The following GPN1 variants were observed in gnomAD, a reference collection of about 807,000 sequenced individuals.
The protein encoded by GPN1 is ATP(GTP)-binding protein.
GPN1 carries 44 observed loss-of-function variants against 55.9 expected under a neutral mutation model. The observed-to-expected ratio is 0.79, with a 90% CI of 0.62 to 1.01. The LOEUF is 1.01. Ranked by LOEUF, GPN1 falls within the 50% of genes least tolerant of loss-of-function variation. The probability of loss-of-function intolerance (pLI) is 0.00; values close to 1 mark genes in which losing one functional copy is unlikely to be tolerated. For synonymous variants in GPN1, 179 were observed against 162.5 expected, an observed-to-expected ratio of 1.10 and a Z score of -0.77; for missense variants, 466 against 462.8, an observed-to-expected ratio of 1.01 and a Z score of -0.06.
Position 27,646,576 on chromosome 2 carries a change from C to T in GPN1, c.932-1260C>T, listed in dbSNP as rs570320974. ...TCATTTACAGCCCACCTTCCACCCC[C>T]ACCCCTGTATATTGAGGGACTGCCC... is the stretch of plus-strand genomic sequence containing the variant. On this transcript the variant is annotated intron_variant, in intron 12 of 13. Transcript: ENST00000610189. 2.6e-5 allele frequency among the ~76,000 whole-genome samples: 4 copies of T among 152,226 alleles called. No individual in the cohort carries two copies. In the East Asian group the frequency reaches 5.8e-4, roughly 22 times the overall value.
intron 7 of GPN1, among the ~76,000 whole-genome samples, chr2:27,635,568 A>G (rs1673704432): frequency 6.6e-6 from 1 of 152,184 alleles, no homozygotes. Flanking sequence ...TGTCATCCCT[A>G]CACTTGGGAG....
Position 27,644,854 on chromosome 2 carries a change from C to T in GPN1, c.931+2335C>T, listed in dbSNP as rs559562797. ...TGCCACTGCACCTGGCTTGTAACAG[C>T]GATTTGAGATGCTACGTGTATAATG... is the stretch of plus-strand genomic sequence containing the variant. On this transcript the variant is annotated intron_variant, in intron 12 of 13. Transcript: ENST00000610189. Among the ~76,000 whole-genome samples, 25 of 150,380 alleles carry T rather than the reference C, an allele frequency of 1.7e-4. No individual in the cohort carries two copies. The East Asian group carries it at 4.2e-3, about 25-fold the overall frequency.
chr2:27,648,571 T>C (rs1221233357), intron 13 of GPN1, among the ~76,000 whole-genome samples: 3 of 152,172 alleles, frequency 2.0e-5, no homozygotes, highest in South Asian at 2.1e-4. Flanking sequence ...ACAGTAAGGA[T>C]AGAATGGCTC....
At chr2:27,640,260 C>A in intron 10 of GPN1, 135 bp downstream of exon 10, 1 of 698,312 alleles carries the variant, frequency 1.4e-6, no homozygotes. Flanking sequence ...TGTATTGAAT[C>A]AGACCACACT....
chr2:27,642,174 G>A, intron 11 of GPN1: 1 of 377,642 alleles, frequency 2.6e-6, no homozygotes, highest in East Asian at 4.8e-5. Context: ...TTAGAATTGA[G>A]GGTTCTTTTG....
intron 11 of GPN1, among the ~76,000 whole-genome samples, chr2:27,641,521 T>A (rs1406979682): frequency 6.6e-6 from 1 of 152,234 alleles, no homozygotes; most frequent in Admixed American, 6.5e-5. Context: ...GTCTCCTTAA[T>A]GTTTCTTCCC....
At chr2:27,632,589 T>C (rs748328945) in intron 4 of GPN1, 44 bp from the exon 5 acceptor site, 2 of 1,408,748 alleles carry the variant, frequency 1.4e-6, no homozygotes, top group African/African-American at 1.4e-5. Flanking sequence ...TGTGATTTTG[T>C]GTTGAAATCG....
upstream of GPN1, chr2:27,628,360 G>A (rs963461968): frequency 2.0e-6 from 3 of 1,522,498 alleles, no homozygotes; most frequent in Admixed American, 4.4e-5. Flanking sequence ...TCAGTGACTG[G>A]AGGGGAGGAA....
At chr2:27,642,956 T>TCACACACACAC (rs1674026113) in intron 12 of GPN1, among the ~76,000 whole-genome samples, 1 of 85,732 alleles carries the variant, frequency 1.2e-5, no homozygotes, top group Admixed American at 1.2e-4. Flanking sequence ...TATATATATA[T>TCACACACACAC]ATACACACAC....
At chr2:27,632,915 G>T (rs1436300626) in intron 5 of GPN1, among the ~76,000 whole-genome samples, 1 of 152,146 alleles carries the variant, frequency 6.6e-6, no homozygotes, top group Non-Finnish European at 1.5e-5. Context: ...TTGAGACTTT[G>T]TCCCAATTCA....
intron 5 of GPN1, among the ~76,000 whole-genome samples, chr2:27,633,329 A>C (rs972486821): frequency 6.6e-6 from 1 of 152,134 alleles, no homozygotes; most frequent in African/African-American, 2.4e-5. Flanking sequence ...GTTTTGAGAC[A>C]GGGTCTTGCT....
chr2:27,630,512 C>T (rs1443824945), intron 2 of GPN1, among the ~76,000 whole-genome samples: 1 of 151,274 alleles, frequency 6.6e-6, no homozygotes, highest in Non-Finnish European at 1.5e-5. Context: ...ACCTCAGCCT[C>T]CTGCCGCTAT....
chr2:27,641,662 C>T (rs866536095), intron 11 of GPN1, among the ~76,000 whole-genome samples: 6 of 152,186 alleles, frequency 3.9e-5, no homozygotes, highest in African/African-American at 9.7e-5. Flanking sequence ...GGCACGATCG[C>T]GGCTCACTGC....
At chr2:27,641,132 C>G (rs375564387) in intron 10 of GPN1, 108 bp from the exon 11 acceptor site, 2 of 722,300 alleles carry the variant, frequency 2.8e-6, no homozygotes, top group Non-Finnish European at 4.8e-6. Context: ...TGAATGAAGT[C>G]AGATGTTTTA....
chr2:27,650,150 A>G lies in GPN1; in HGVS notation c.1075A>G (p.Asn359Asp). 1 of 1,608,262 alleles carries G rather than the reference A, an allele frequency of 6.2e-7. No individual in the cohort carries two copies. The highest frequency in any genetic ancestry group is 2.2e-5 in the East Asian group (1 of 44,854). Residue 359 changes from asparagine to aspartate, a missense_variant, in exon 14 of 14, where the codon AAT (asparagine) becomes GAT (aspartate). Transcript: ENST00000610189. ...EESHEEPAFQ[N>D]FMQESMAQYW... ...AAGCCATGAAGAGCCAGCATTCCAG[A>G]ATTTTATGCAAGAATCGATGGCACA...
intron 3 of GPN1, 64 bp from the exon 4 acceptor site, chr2:27,631,770 T>C (rs1448899226): frequency 3.3e-6 from 3 of 921,644 alleles, no homozygotes; most frequent in Non-Finnish European, 5.5e-6. Flanking sequence ...GTGTGAATGA[T>C]AGCCTAGGTA....
At chr2:27,632,743 A>G (rs114985328) in intron 5 of GPN1, 73 bp downstream of exon 5, 10,321 of 984,974 alleles carry the variant, frequency 0.01, 78 homozygotes, top group Non-Finnish European at 0.013. Flanking sequence ...AGGATCTGGG[A>G]TACCATCAGC....
chr2:27,638,164 G>C (rs749062466), intron 7 of GPN1, 46 bp from the exon 8 acceptor site: 2 of 1,018,498 alleles, frequency 2.0e-6, no homozygotes. Flanking sequence ...GGATGAGCAA[G>C]AGCTTATGTG....
In GPN1 at chr2:27,646,549, T is replaced by C. The variant is rs548913036; in HGVS notation, c.932-1287T>C. The stretch of plus-strand genomic sequence containing the variant: ...GCTCTGCAGGGGTTTTTAGGTTAGT[T>C]TTCATTTACAGCCCACCTTCCACCC... On this transcript the variant is annotated intron_variant, in intron 12 of 13. Transcript: ENST00000610189. 2.4e-4 allele frequency among the ~76,000 whole-genome samples: 36 copies of C among 152,290 alleles called. No homozygotes were observed. In the East Asian group the frequency reaches 5.0e-3, roughly 21 times the overall value.
Sources: gnomAD v4.1 joint callset for allele counts (sites outside exome capture counted in the v4.1 genomes callset) on GRCh38, gnomAD v4.1.1 for gene constraint, MANE v1.5 for transcripts, NCBI Gene and HGNC (gene_info 2026-07-23, HGNC 2026-07-21) for gene names.